TAFA5: variants seen among roughly 807,000 people sequenced by gnomAD.
The protein encoded by TAFA5 is chemokine-like protein TAFA-5.
TAFA5 carries 6 observed loss-of-function variants against 15.3 expected under a neutral mutation model. The observed-to-expected ratio is 0.39, with a 90% confidence interval of 0.21 to 0.77. The LOEUF is 0.77. TAFA5 is among the 30% of genes least tolerant of loss of function. TAFA5 has a pLI of 0.41. For synonymous variants in TAFA5, 103 were observed against 80.7 expected (o/e 1.28, Z -1.48); for missense variants, 161 against 193.1 (o/e 0.83, Z 0.98).
At chr22:48,576,246 C>T in intron 1 of TAFA5, 2 of 474,296 alleles carry the variant, frequency 4.2e-6, no homozygotes, top group Non-Finnish European at 6.3e-6. Context: ...CCTCCCCGCC[C>T]CCGCCCGCCC....
At chr22:48,680,291 C>G (rs1006856174) in intron 2 of TAFA5, among the ~76,000 whole-genome samples, 1 of 152,244 alleles carries the variant, frequency 6.6e-6, no homozygotes, top group African/African-American at 2.4e-5. Flanking sequence ...TCCCACGACC[C>G]AGGTTGCTGC....
chr22:48,534,889 T>C (rs11913394), intron 1 of TAFA5, among the ~76,000 whole-genome samples: 10,786 of 151,998 alleles, frequency 0.071, 1,234 homozygotes, highest in African/African-American at 0.24. Flanking sequence ...TCGGTGCCCA[T>C]TGTTTGTCTT....
intron 1 of TAFA5, among the ~76,000 whole-genome samples, chr22:48,514,669 G>A (rs745488986): frequency 2.6e-5 from 4 of 152,164 alleles, no homozygotes; most frequent in East Asian, 1.9e-4. Flanking sequence ...GACTTGTCCC[G>A]GTGGAGACCC....
At chr22:48,614,710 T>G (rs536639736) in intron 1 of TAFA5, among the ~76,000 whole-genome samples, 2 of 152,332 alleles carry the variant, frequency 1.3e-5, no homozygotes, top group African/African-American at 2.4e-5. Context: ...GTGGAAACCC[T>G]GCTCCTGTCG....
At chr22:48,522,910 G>C (rs1921654264) in intron 1 of TAFA5, among the ~76,000 whole-genome samples, 1 of 152,360 alleles carries the variant, frequency 6.6e-6, no homozygotes, top group South Asian at 2.1e-4. Flanking sequence ...TGTCCTGGGG[G>C]ACTAGAGGGT....
chr22:48,652,781 TG>T (rs1290579995), intron 2 of TAFA5, among the ~76,000 whole-genome samples: 2 of 152,200 alleles, frequency 1.3e-5, no homozygotes, highest in East Asian at 3.9e-4. Flanking sequence ...GGAGACCAGC[TG>T]GGTACCTGCC....
At chr22:48,721,396 C>T (rs994158368) in intron 3 of TAFA5, among the ~76,000 whole-genome samples, 2 of 152,190 alleles carry the variant, frequency 1.3e-5, no homozygotes, top group Admixed American at 6.5e-5. Flanking sequence ...GTTTCAAGCC[C>T]GTCCACTGTG....
At chr22:48,554,771 C>G (rs898317020) in intron 1 of TAFA5, among the ~76,000 whole-genome samples, 1 of 152,188 alleles carries the variant, frequency 6.6e-6, no homozygotes, top group African/African-American at 2.4e-5. Flanking sequence ...CTCTGCAGAC[C>G]TATAATCCTC....
intron 1 of TAFA5, among the ~76,000 whole-genome samples, chr22:48,508,378 C>T (rs761152511): frequency 9.9e-5 from 15 of 152,204 alleles, no homozygotes; most frequent in Non-Finnish European, 2.1e-4. Context: ...TCACAGCTCC[C>T]GGCTGTGCCT....
At chr22:48,508,627 C>CT (rs1026868240) in intron 1 of TAFA5, among the ~76,000 whole-genome samples, 73 of 152,322 alleles carry the variant, frequency 4.8e-4, no homozygotes, top group African/African-American at 1.7e-3. Flanking sequence ...CAAGCGTTCC[C>CT]TGTAACAACC....
intron 3 of TAFA5, among the ~76,000 whole-genome samples, chr22:48,730,360 T>C (rs1474380946): frequency 6.6e-6 from 1 of 151,110 alleles, no homozygotes; most frequent in Non-Finnish European, 1.5e-5. Context: ...CACTCCAGCC[T>C]GGGCGACAGA....
chr22:48,737,192 A>T (rs1281178301), intron 3 of TAFA5, among the ~76,000 whole-genome samples: 1 of 152,206 alleles, frequency 6.6e-6, no homozygotes. Flanking sequence ...CTGGCCACAC[A>T]GAGAGGCCTG....
intron 1 of TAFA5, among the ~76,000 whole-genome samples, chr22:48,603,031 C>T (rs934822265): frequency 1.3e-5 from 2 of 152,208 alleles, no homozygotes; most frequent in African/African-American, 2.4e-5. Context: ...GCCACCCCAC[C>T]GGTCCCCATT....
chr22:48,564,915 AGAG>A (rs1309147937), intron 1 of TAFA5, among the ~76,000 whole-genome samples: 1 of 152,246 alleles, frequency 6.6e-6, no homozygotes, highest in East Asian at 1.9e-4. Flanking sequence ...CCTGCAAAAA[AGAG>A]GAGGTGCAGA....
intron 1 of TAFA5, among the ~76,000 whole-genome samples, chr22:48,623,009 T>C (rs1280909479): frequency 6.6e-6 from 1 of 152,216 alleles, no homozygotes; most frequent in African/African-American, 2.4e-5. Flanking sequence ...CCCCAGAAGC[T>C]CTTAACTCCA....
At chr22:48,559,815 T>G (rs1417274750) in intron 1 of TAFA5, among the ~76,000 whole-genome samples, 2 of 151,966 alleles carry the variant, frequency 1.3e-5, no homozygotes, top group Non-Finnish European at 2.9e-5. Flanking sequence ...GCGGCGGGGA[T>G]GGAGGAAGGG....
At chr22:48,719,117 G>T (rs570965943) in intron 3 of TAFA5, among the ~76,000 whole-genome samples, 2 of 152,214 alleles carry the variant, frequency 1.3e-5, no homozygotes, top group African/African-American at 4.8e-5. Context: ...TTTGAATCCC[G>T]TGTGGGGAGG....
intron 3 of TAFA5, among the ~76,000 whole-genome samples, chr22:48,745,969 G>A (rs988806136): frequency 6.6e-6 from 1 of 152,176 alleles, no homozygotes; most frequent in African/African-American, 2.4e-5. Flanking sequence ...GACCCGCAGG[G>A]GCACACTGTC....
intron 1 of TAFA5, among the ~76,000 whole-genome samples, chr22:48,527,438 G>A (rs1360134267): frequency 6.6e-6 from 1 of 152,216 alleles, no homozygotes; most frequent in Non-Finnish European, 1.5e-5. Flanking sequence ...GAGGGGCAAC[G>A]GGACCGTGGA....
Sources: allele counts gnomAD v4.1 joint callset (sites outside exome capture counted in the v4.1 genomes callset), GRCh38; gene constraint gnomAD v4.1.1; transcripts MANE v1.5; gene names NCBI Gene and HGNC (gene_info 2026-07-23, HGNC 2026-07-21).